The following ZMPSTE24 variants were observed in gnomAD, a reference collection of about 807,000 sequenced individuals.
The protein encoded by ZMPSTE24 is zinc metallopeptidase STE24.
In ZMPSTE24, 48 loss-of-function variants were observed where a neutral mutation model predicts 56.7. The ratio of observed to expected loss-of-function variants is 0.85; its 90% CI spans 0.67 to 1.08. ZMPSTE24 has a LOEUF of 1.08. Ranked by LOEUF, ZMPSTE24 falls within the 50% of genes least tolerant of loss-of-function variation. The pLI, the probability that ZMPSTE24 is intolerant of heterozygous loss-of-function variation, is 0.00. For missense variants in ZMPSTE24, 503 were observed against 548.7 expected (o/e 0.92, Z 0.83); for synonymous variants, 172 against 195.2 (o/e 0.88, Z 0.99).
chr1:40,276,145 C>G (rs1401914160), intron 6 of ZMPSTE24, among the ~76,000 whole-genome samples: 1 of 152,068 alleles, frequency 6.6e-6, no homozygotes, highest in African/African-American at 2.4e-5. Context: ...AAAGGAGATT[C>G]TAATATTGGA....
intron 5 of ZMPSTE24, among the ~76,000 whole-genome samples, chr1:40,271,435 TA>T (rs1259476461): frequency 2.6e-5 from 4 of 152,196 alleles, no homozygotes. Flanking sequence ...GAACTACAGG[TA>T]ATTAATTTTA....
intron 2 of ZMPSTE24, among the ~76,000 whole-genome samples, chr1:40,264,724 T>A (rs1463747965): frequency 4.0e-5 from 6 of 151,082 alleles, no homozygotes; most frequent in African/African-American, 1.5e-4. Flanking sequence ...AAAAAATTTT[T>A]AAAAAATCAA....
chr1:40,263,333 G>A (rs115105195), intron 2 of ZMPSTE24, among the ~76,000 whole-genome samples: 1 of 152,202 alleles, frequency 6.6e-6, no homozygotes, highest in African/African-American at 2.4e-5. Flanking sequence ...TGTATTGTTT[G>A]ATGTTTACAA....
intron 8 of ZMPSTE24, among the ~76,000 whole-genome samples, chr1:40,286,742 T>C (rs1303634916): frequency 1.0e-4 from 15 of 149,698 alleles, no homozygotes; most frequent in Non-Finnish European, 1.5e-5. Context: ...TTTTTTTTTT[T>C]TTGAGATGGA....
chr1:40,289,257 C>T (rs2144177), intron 8 of ZMPSTE24, among the ~76,000 whole-genome samples: 14 of 152,296 alleles, frequency 9.2e-5, no homozygotes, highest in Admixed American at 3.3e-4. Flanking sequence ...AGTGCTTCTG[C>T]GCATAGCAGT....
At chr1:40,275,246 C>T (rs1643656089) in intron 6 of ZMPSTE24, among the ~76,000 whole-genome samples, 1 of 144,404 alleles carries the variant, frequency 6.9e-6, no homozygotes, top group South Asian at 2.2e-4. Flanking sequence ...ATGGTGAAAC[C>T]CTGTCTCTAC....
At chr1:40,270,249 A>G in intron 5 of ZMPSTE24, 122 bp downstream of exon 5, 1 of 1,165,284 alleles carries the variant, frequency 8.6e-7, no homozygotes, top group South Asian at 1.3e-5. Flanking sequence ...GCTTATATAC[A>G]TTTCCCCCTT....
intron 8 of ZMPSTE24, among the ~76,000 whole-genome samples, chr1:40,289,425 C>G (rs1023240355): frequency 6.6e-6 from 1 of 152,176 alleles, no homozygotes; most frequent in Non-Finnish European, 1.5e-5. Flanking sequence ...GGTTACTTGA[C>G]AAAAGTGGAT....
intron 4 of ZMPSTE24, 21 bp from the exon 5 acceptor site, chr1:40,269,954 G>A (rs1643596737): frequency 4.4e-6 from 7 of 1,598,350 alleles, no homozygotes; most frequent in Non-Finnish European, 6.0e-6. Context: ...AGTTTCTTGT[G>A]GTAATGTTTT....
intron 6 of ZMPSTE24, among the ~76,000 whole-genome samples, chr1:40,273,516 T>TAAAAAAAAAAAAA (rs1205861105): frequency 9.5e-5 from 1 of 10,580 alleles, no homozygotes; most frequent in Non-Finnish European, 1.5e-4. Context: ...AAATTCTGTC[T>TAAAAAAAAAAAAA]AAAAAAAAAA....
intron 1 of ZMPSTE24, among the ~76,000 whole-genome samples, chr1:40,258,978 C>A (rs888370875): frequency 1.3e-5 from 2 of 152,016 alleles, no homozygotes; most frequent in African/African-American, 2.4e-5. Flanking sequence ...ACCAACGTGG[C>A]GAAAACCCGT....
chr1:40,262,861 A>G, intron 2 of ZMPSTE24: 1 of 1,178,324 alleles, frequency 8.5e-7, no homozygotes, highest in Non-Finnish European at 1.1e-6. Context: ...ACAACTTAAC[A>G]ACACTACCTG....
chr1:40,258,579 G>A (rs1024788169), intron 1 of ZMPSTE24, among the ~76,000 whole-genome samples, 185 bp downstream of exon 1: 2 of 152,150 alleles, frequency 1.3e-5, no homozygotes, highest in Non-Finnish European at 2.9e-5. Context: ...GGTGCGTCAA[G>A]GAAGTTTTCT....
chr1:40,291,213 G>A (rs958652707), intron 9 of ZMPSTE24, among the ~76,000 whole-genome samples: 1 of 152,206 alleles, frequency 6.6e-6, no homozygotes, highest in South Asian at 2.1e-4. Context: ...GAAAGTATAA[G>A]TAGAAAACTA....
At position 40,274,354 on chromosome 1, in the gene ZMPSTE24, G is replaced by C. The variant is rs545330173; in HGVS notation, c.769+2319G>C. On this transcript the variant is annotated intron_variant, in intron 6 of 9. Transcript: ENST00000372759. ...AACACACATTACATATTTGTAAATT[G>C]GTAGGGAGATTGTAGTGAAAAGCCA... Among the ~76,000 whole-genome samples, 5 of 152,312 alleles carry C rather than the reference G, an allele frequency of 3.3e-5. No homozygotes were observed. The East Asian group carries it at 9.6e-4, about 29-fold the overall frequency.
At chr1:40,280,748 A>G (rs1173381311) in intron 6 of ZMPSTE24, among the ~76,000 whole-genome samples, 1 of 152,194 alleles carries the variant, frequency 6.6e-6, no homozygotes, top group Non-Finnish European at 1.5e-5. Flanking sequence ...TGTCTAATAT[A>G]ATTTCCCTTA....
intron 6 of ZMPSTE24, among the ~76,000 whole-genome samples, chr1:40,273,534 AAAAATATATATAT>A (rs1285589646): frequency 6.3e-5 from 5 of 79,714 alleles, no homozygotes; most frequent in African/African-American, 3.3e-4. Context: ...AAAAAAAAAA[AAAAATATATATAT>A]ATATATATAT....
intron 2 of ZMPSTE24, among the ~76,000 whole-genome samples, chr1:40,262,341 G>A (rs1187995682): frequency 6.6e-6 from 1 of 152,156 alleles, no homozygotes; most frequent in Non-Finnish European, 1.5e-5. Context: ...ATTAATAAAT[G>A]ATTTGGAAAA....
intron 6 of ZMPSTE24, among the ~76,000 whole-genome samples, chr1:40,279,727 T>A (rs1643708106): frequency 6.6e-6 from 1 of 152,186 alleles, no homozygotes; most frequent in African/African-American, 2.4e-5. Context: ...TTGGGCCCTT[T>A]CTGTTGCCCA....
Sources: allele counts gnomAD v4.1 joint callset (sites outside exome capture counted in the v4.1 genomes callset), GRCh38; gene constraint gnomAD v4.1.1; transcripts MANE v1.5; gene names NCBI Gene and HGNC (gene_info 2026-07-23, HGNC 2026-07-21).